EPS8: variants seen among roughly 807,000 people sequenced by gnomAD.
EPS8 encodes epidermal growth factor receptor kinase substrate 8.
A neutral mutation model predicts 103.8 loss-of-function variants in EPS8; 42 were observed. The ratio of observed to expected loss-of-function variants is 0.40; its 90% CI spans 0.32 to 0.52. The LOEUF (loss-of-function observed/expected upper bound fraction) is 0.52, where lower values mean the gene tolerates loss of function less well. Ranked by LOEUF, EPS8 falls within the 20% of genes least tolerant of loss-of-function variation. The pLI, the probability that EPS8 is intolerant of heterozygous loss-of-function variation, is 0.40. For synonymous variants in EPS8, 344 were observed against 344.6 expected, an observed-to-expected ratio of 1.00 and a Z score of 0.02; for missense variants, 969 against 1,005.1, an observed-to-expected ratio of 0.96 and a Z score of 0.49.
chr12:15,637,502 TG>T (rs1223438852), intron 17 of EPS8, among the ~76,000 whole-genome samples: 1 of 152,212 alleles, frequency 6.6e-6, no homozygotes, highest in Admixed American at 6.5e-5. Context: ...AAGGTTGTTG[TG>T]GGAATCAAAT....
chr12:15,669,817 A>G lies in EPS8; in HGVS notation c.213T>C (p.Thr71=), dbSNP rs2230644. 2,926 of 1,595,590 alleles carry G rather than the reference A, an allele frequency of 1.8e-3. 54 individuals are homozygous for G. In the African/African-American group the frequency reaches 0.032, roughly 18 times the overall value. The change falls in exon 5 of 21, where the codon ACT becomes ACC. Residue 71 remains threonine (T), a synonymous_variant. Coordinates refer to ENST00000281172, the MANE Select transcript of EPS8 (RefSeq NM_004447.6). ...CATCTTTCCGATCCAGGACAAAGGTAGTCAAGTGCTTACAATTGGCAAAAA... is the reference window on the plus strand; with the variant it reads ...CATCTTTCCGATCCAGGACAAAGGTGGTCAAGTGCTTACAATTGGCAAAAA... ...DISQYRVEHL[T]TFVLDRKDAM... is the part of the protein sequence containing the mutation.
intron 8 of EPS8, among the ~76,000 whole-genome samples, chr12:15,663,794 C>G (rs192342398): frequency 9.9e-5 from 15 of 150,778 alleles, no homozygotes; most frequent in African/African-American, 3.2e-4. Context: ...TGGTGGCACA[C>G]GCCTGTAATC....
At chr12:15,788,634 C>T (rs1458911097) in intron 1 of EPS8, among the ~76,000 whole-genome samples, 2 of 152,172 alleles carry the variant, frequency 1.3e-5, no homozygotes, top group African/African-American at 2.4e-5. Flanking sequence ...AGTCAACAGC[C>T]ATTAGGCATT....
chr12:15,684,337 C>T lies in EPS8; in HGVS notation c.-21-1365G>A, dbSNP rs1012766474. On this transcript the variant is annotated intron_variant, in intron 1 of 20. Coordinates refer to ENST00000281172, the MANE Select transcript of EPS8 (RefSeq NM_004447.6). This position sits in a 1 kb window ranked among gnomAD's most constrained non-coding sequence, Gnocchi z 4.9. Reference sequence around the variant, plus strand: ...TAAAATCCCACTATCAGACACTCTCCATACTATAGACAATTTTTCAAAGCA... The same window carrying T: ...TAAAATCCCACTATCAGACACTCTCTATACTATAGACAATTTTTCAAAGCA... 2 of 152,146 alleles carry T rather than the reference C, an allele frequency of 1.3e-5. No individual in the cohort carries two copies. Among genetic ancestry groups the T allele is most frequent in the African/African-American group, 4.8e-5 (2 of 41,442 alleles). 9.4% of individuals were successfully genotyped at this position (152,146 alleles called of 1,614,324 possible). A position where few individuals can be genotyped will look rare whatever the true frequency, so the allele number is the denominator to read the frequency against.
chr12:15,655,165 C>T (rs977213197), intron 12 of EPS8, among the ~76,000 whole-genome samples: 2 of 152,076 alleles, frequency 1.3e-5, no homozygotes, highest in African/African-American at 2.4e-5. Flanking sequence ...ATGCTGTTCC[C>T]AGTTCCCCAG....
intron 1 of EPS8, among the ~76,000 whole-genome samples, chr12:15,782,840 C>T (rs553787971): frequency 1.3e-5 from 2 of 152,234 alleles, no homozygotes; most frequent in South Asian, 2.1e-4. Flanking sequence ...GTTATTGCAG[C>T]GAGCTCAAGT....
At chr12:15,756,489 A>T (rs1046611832) in intron 1 of EPS8, among the ~76,000 whole-genome samples, 38 of 152,116 alleles carry the variant, frequency 2.5e-4, no homozygotes, top group African/African-American at 8.7e-4. Context: ...TGGCAGAAAA[A>T]CTTTAAAGGC....
Position 15,700,988 on chromosome 12 carries a change from T to A in EPS8, c.-21-18016A>T, listed in dbSNP as rs1946304410. ...TTTAAAAATAGTCAAAAATTGGTAA[T>A]GTAAGGTATATTATAAAGAATAAAC... On this transcript the variant is annotated intron_variant, in intron 1 of 20. Transcript: ENST00000281172. This position sits in a 1 kb window ranked among gnomAD's most constrained non-coding sequence, Gnocchi z 5.1. Among the ~76,000 whole-genome samples the A allele has an allele frequency of 1.3e-5, 2 of 152,160 alleles. No homozygotes were observed. Among genetic ancestry groups the A allele is most frequent in the Non-Finnish European group, 2.9e-5 (2 of 68,022 alleles).
intron 20 of EPS8, among the ~76,000 whole-genome samples, chr12:15,622,384 G>A (rs1944874053): frequency 6.6e-6 from 1 of 152,114 alleles, no homozygotes; most frequent in South Asian, 2.1e-4. Flanking sequence ...CGCATGAAGT[G>A]ATTTTACCCT....
chr12:15,688,622 T>A lies in EPS8; in HGVS notation c.-21-5650A>T, dbSNP rs1436061329. ...TGCTGCAGGCCACTAACCAGCAGAA[T>A]GACGCGGAATTTGGAGTTTAGCAGG... On this transcript the variant is annotated intron_variant, in intron 1 of 20. Transcript: ENST00000281172. This position sits in a 1 kb window ranked among gnomAD's most constrained non-coding sequence, Gnocchi z 5.1. 6.6e-6 allele frequency among the ~76,000 whole-genome samples: 1 copy of A among 152,064 alleles called. No individual in the cohort carries two copies. Among genetic ancestry groups the A allele is most frequent in the African/African-American group, 2.4e-5 (1 of 41,414 alleles).
intron 1 of EPS8, among the ~76,000 whole-genome samples, chr12:15,750,386 A>G (rs1291988886): frequency 1.3e-5 from 2 of 152,170 alleles, no homozygotes. Context: ...AAACCTAAAA[A>G]AGAAATTCCT....
At chr12:15,683,427 C>G (rs1159840639) in intron 1 of EPS8, 2 of 152,322 alleles carry the variant, frequency 1.3e-5, no homozygotes, top group East Asian at 3.9e-4. Flanking sequence ...TTACAGAGAA[C>G]CAGGTAACAG....
At chr12:15,641,666 G>A (rs1945232391) in intron 16 of EPS8, 56 bp downstream of exon 16, 3 of 781,216 alleles carry the variant, frequency 3.8e-6, no homozygotes, top group Non-Finnish European at 6.1e-6. Context: ...TATACCAAAA[G>A]AGTAATACAA....
rs1565520035 is a variant in EPS8 at position 15,727,050 on chromosome 12, A to T, written c.-21-44078T>A. On this transcript the variant is annotated intron_variant, in intron 1 of 20. Coordinates refer to ENST00000281172, the MANE Select transcript of EPS8 (RefSeq NM_004447.6). The surrounding 1 kb of genome is among the most constrained non-coding windows in gnomAD (Gnocchi z 4.3). ...AGTTAAGAATGACTACAGTTCAGTG[A>T]GTGGTATTTTTTCAAGGTCTGAAAC... 1.3e-5 allele frequency among the ~76,000 whole-genome samples: 2 copies of T among 152,342 alleles called. No individual in the cohort carries two copies. The highest frequency in any genetic ancestry group is 3.9e-4 in the East Asian group (2 of 5,194).
rs908786249 is a variant in EPS8, at chr12:15,635,289, T to G, written c.1822-3625A>C. On this transcript the variant is annotated intron_variant, in intron 17 of 20. Coordinates refer to ENST00000281172, the MANE Select transcript of EPS8 (RefSeq NM_004447.6). ...CTTTATATATGTATAAAAACACATA[T>G]ATATATTTATAGTGGGTATTATTCA... 2.0e-5 allele frequency among the ~76,000 whole-genome samples: 3 copies of G among 152,274 alleles called. No homozygotes were observed. The East Asian group carries it at 5.8e-4, about 29-fold the overall frequency.
chr12:15,735,877 CAA>C lies in EPS8; in HGVS notation c.-21-52907_-21-52906del, dbSNP rs151021200. Among the ~76,000 whole-genome samples the C allele has an allele frequency of 0.012, 1,815 of 152,036 alleles. 31 individuals are homozygous for C. The highest frequency in any genetic ancestry group is 0.042 in the African/African-American group (1,726 of 41,478). ...AAAAATGCCAATAATAGGACAAAGA[CAA>C]AGAGTTTGTGTTTTTTTGTGTTTTG... On this transcript the variant is annotated intron_variant, in intron 1 of 20. Transcript: ENST00000281172. This position sits in a 1 kb window ranked among gnomAD's most constrained non-coding sequence, Gnocchi z 4.4.
At position 15,725,813 on chromosome 12, in the gene EPS8, T is replaced by G. The variant is rs1007780508; in HGVS notation, c.-21-42841A>C. On this transcript the variant is annotated intron_variant, in intron 1 of 20. Coordinates refer to ENST00000281172, the MANE Select transcript of EPS8 (RefSeq NM_004447.6). The surrounding 1 kb of genome is among the most constrained non-coding windows in gnomAD (Gnocchi z 4.5). Reference sequence around the variant, plus strand: ...TTATTATATATTTATCAGATGTGTGTCTTAAGCATTTGTTGAAATTTGTCT... The same window carrying G: ...TTATTATATATTTATCAGATGTGTGGCTTAAGCATTTGTTGAAATTTGTCT... 1.3e-5 allele frequency among the ~76,000 whole-genome samples: 2 copies of G among 152,242 alleles called. No homozygotes were observed. The highest frequency in any genetic ancestry group is 1.3e-4 in the Admixed American group (2 of 15,284).
Position 15,669,383 on chromosome 12 carries a change from T to C in EPS8, c.516+4A>G. The C allele has an allele frequency of 1.3e-6, 2 of 1,591,348 alleles. No homozygotes were observed. Among genetic ancestry groups the C allele is most frequent in the Non-Finnish European group, 8.5e-7 (1 of 1,172,574 alleles). On this transcript the variant is annotated splice_donor_region_variant and intron_variant, in intron 6 of 20. Transcript: ENST00000281172. ...AAGAAACAAAAATTTCACCATTCTT[T>C]TACCTTAACCTCATCACACTGGAAG...
At chr12:15,699,578 A>G (rs1204798151) in intron 1 of EPS8, among the ~76,000 whole-genome samples, 1 of 152,242 alleles carries the variant, frequency 6.6e-6, no homozygotes, top group Non-Finnish European at 1.5e-5. Context: ...TTACAACTCA[A>G]GAGAAATATA....
Sources: allele counts gnomAD v4.1 joint callset (sites outside exome capture counted in the v4.1 genomes callset), GRCh38; gene constraint gnomAD v4.1.1; non-coding constraint Gnocchi (gnomAD v3.1); transcripts MANE v1.5; gene names NCBI Gene and HGNC (gene_info 2026-07-23, HGNC 2026-07-21).